Variants in IL17RD observed in about 807,000 individuals in gnomAD.
The protein encoded by IL17RD is interleukin 17 receptor D.
In IL17RD, 52 loss-of-function variants were observed where a neutral mutation model predicts 80.5. The observed-to-expected ratio is 0.65, with a 90% CI of 0.52 to 0.81. IL17RD has a LOEUF of 0.81. IL17RD is among the 40% of genes least tolerant of loss of function. IL17RD has a pLI of 0.00. For synonymous variants in IL17RD, 416 were observed against 391.8 expected, an observed-to-expected ratio of 1.06 and a Z score of -0.73; for missense variants, 1,024 against 955.1, an observed-to-expected ratio of 1.07 and a Z score of -0.95.
At chr3:57,155,186 A>G (rs895819053) in intron 1 of IL17RD, among the ~76,000 whole-genome samples, 10 of 152,216 alleles carry the variant, frequency 6.6e-5, no homozygotes, top group Non-Finnish European at 1.3e-4. Flanking sequence ...CGAGACCTGC[A>G]CCTCTGTTAA....
At chr3:57,125,182 G>A (rs1055497221) in intron 1 of IL17RD, among the ~76,000 whole-genome samples, 7 of 152,262 alleles carry the variant, frequency 4.6e-5, no homozygotes, top group East Asian at 3.9e-4. Flanking sequence ...CAAGGCGGCC[G>A]GATCACCCGA....
chr3:57,159,500 C>A (rs2060289511), intron 1 of IL17RD, among the ~76,000 whole-genome samples: 1 of 152,156 alleles, frequency 6.6e-6, no homozygotes, highest in African/African-American at 2.4e-5. Flanking sequence ...GTTTCGGAGG[C>A]CATCAGTCAC....
rs540961522 is a variant in IL17RD at position 57,126,574 on chromosome 3, G to A, written c.127-6261C>T. 7.9e-5 allele frequency among the ~76,000 whole-genome samples: 12 copies of A among 152,292 alleles called. No individual in the cohort carries two copies. In the South Asian group the frequency reaches 2.5e-3, roughly 32 times the overall value. ...GTGATCAGACAGCCAACTTCCTGAG[G>A]GGCCTTTGGGCATTCTAAGCCATTT... On this transcript the variant is annotated intron_variant, in intron 1 of 12. Coordinates refer to ENST00000296318, the MANE Select transcript of IL17RD (RefSeq NM_017563.5).
chr3:57,163,419 T>C (rs2060319694), intron 1 of IL17RD, among the ~76,000 whole-genome samples: 1 of 152,136 alleles, frequency 6.6e-6, no homozygotes, highest in African/African-American at 2.4e-5. Context: ...ATCACCAGCC[T>C]GGCTCCGTCA....
At chr3:57,162,107 G>C (rs2060309101) in intron 1 of IL17RD, among the ~76,000 whole-genome samples, 1 of 152,238 alleles carries the variant, frequency 6.6e-6, no homozygotes, top group South Asian at 2.1e-4. Flanking sequence ...GCCCCGAAGG[G>C]TCTGTTAGCA....
In IL17RD at chr3:57,097,744, G is replaced by A. The variant is rs1275315264; in HGVS notation, c.1959C>T (p.Gly653=). The part of the protein sequence containing the change: ...LQPLLHTVKA[G]SPSDMPRDSG... ...AGTCCCGCGGCATGTCCGAGGGGCTGCCGGCTTTCACCGTGTGCAGCAGGG... is the reference window on the plus strand; with the variant it reads ...AGTCCCGCGGCATGTCCGAGGGGCTACCGGCTTTCACCGTGTGCAGCAGGG... Residue 653 remains glycine, a synonymous_variant, in exon 12 of 13, where the codon GGC becomes GGT. Coordinates refer to ENST00000296318, the MANE Select transcript of IL17RD (RefSeq NM_017563.5). The A allele has an allele frequency of 1.2e-6, 2 of 1,601,768 alleles. No homozygotes were observed. Among genetic ancestry groups the A allele is most frequent in the African/African-American group, 2.7e-5 (2 of 74,738 alleles).
At position 57,093,377 on chromosome 3, in the gene IL17RD, G is replaced by C. The variant is rs1706601238; in HGVS notation, c.*3016C>G. 6.6e-6 allele frequency: 1 copy of C among 152,162 alleles called. No homozygotes were observed. The allele number at this position is 152,162 out of a possible 1,614,324, so 9.4% of individuals were successfully genotyped here. On this transcript the variant is annotated 3_prime_UTR_variant, in exon 13 of 13. Coordinates refer to ENST00000296318, the MANE Select transcript of IL17RD (RefSeq NM_017563.5). ...AATTAGTGTTGAAGTTGGGGGGCCA[G>C]AGAGTTTTCTTTCTTTTGGGAGAAG...
At chr3:57,169,413 A>C (rs1389152658), upstream of IL17RD, 6 of 271,100 alleles carry the variant, frequency 2.2e-5, no homozygotes, top group Non-Finnish European at 4.5e-5. Flanking sequence ...TAAACAGATA[A>C]AATCACCTTA....
intron 1 of IL17RD, among the ~76,000 whole-genome samples, chr3:57,132,603 G>A (rs910363794): frequency 6.6e-6 from 1 of 152,162 alleles, no homozygotes; most frequent in Non-Finnish European, 1.5e-5. Flanking sequence ...TTACAACTCA[G>A]TAACTAAACA....
chr3:57,120,097 G>A (rs1328175164), intron 2 of IL17RD, among the ~76,000 whole-genome samples, 159 bp downstream of exon 2: 2 of 152,180 alleles, frequency 1.3e-5, no homozygotes, highest in Admixed American at 6.5e-5. Context: ...ATACTTGAGT[G>A]GCCTAATTGA....
chr3:57,165,973 C>G (rs1009542006), upstream of IL17RD, among the ~76,000 whole-genome samples: 1 of 152,196 alleles, frequency 6.6e-6, no homozygotes, highest in Non-Finnish European at 1.5e-5. Flanking sequence ...TACAATCTAT[C>G]ATTAACTGAC....
chr3:57,098,737 C>T (rs899898148), intron 11 of IL17RD, among the ~76,000 whole-genome samples, 199 bp from the exon 12 acceptor site: 1 of 152,210 alleles, frequency 6.6e-6, no homozygotes, highest in Non-Finnish European at 1.5e-5. Flanking sequence ...CACCCTAGTC[C>T]CTCTGCAAAA....
In IL17RD at chr3:57,093,830, A is replaced by G. The variant is rs1441446789; in HGVS notation, c.*2563T>C. On this transcript the variant is annotated 3_prime_UTR_variant, in exon 13 of 13. Transcript: ENST00000296318. ...TCACTCTCCTGGCAAAGCTGATGAC[A>G]TCAGATGCTAAGTCCTTTCTGTAGC... The G allele has an allele frequency of 6.6e-6, 1 of 152,244 alleles. No individual in the cohort carries two copies. Among genetic ancestry groups the G allele is most frequent in the Non-Finnish European group, 1.5e-5 (1 of 68,038 alleles). 9.4% of individuals were successfully genotyped at this position (152,244 alleles called of 1,614,324 possible). A position where few individuals can be genotyped will look rare whatever the true frequency, so the allele number is the denominator to read the frequency against.
intron 1 of IL17RD, among the ~76,000 whole-genome samples, chr3:57,138,364 G>A (rs1244250252): frequency 6.6e-6 from 1 of 152,178 alleles, no homozygotes; most frequent in African/African-American, 2.4e-5. Flanking sequence ...CAACAAAACA[G>A]TGTTAGGGCC....
rs1362044881 is a variant in IL17RD at position 57,096,403 on chromosome 3, G to T, written c.2210C>A (p.Ala737Asp). 1 of 1,612,440 alleles carries T rather than the reference G, an allele frequency of 6.2e-7. No individual in the cohort carries two copies. Among genetic ancestry groups the T allele is most frequent in the Non-Finnish European group, 8.5e-7 (1 of 1,178,470 alleles). The change falls in exon 13 of 13, where the codon GCC (alanine) becomes GAC (aspartate). Residue 737 changes from alanine to aspartate, a missense_variant. Ala to Asp is a moderately radical substitution (Grantham distance 126). Coordinates refer to ENST00000296318, the MANE Select transcript of IL17RD (RefSeq NM_017563.5). ...GACTCTTTCGTTTTGTTACAAAGGGGCGACCGCGTGGAGTTCATCAGTGTA... is the reference window on the plus strand; with the variant it reads ...GACTCTTTCGTTTTGTTACAAAGGGTCGACCGCGTGGAGTTCATCAGTGTA... ...RSYTDELHAV[A>D]PL
intron 1 of IL17RD, among the ~76,000 whole-genome samples, chr3:57,160,780 G>C (rs1027446871): frequency 6.6e-6 from 1 of 152,202 alleles, no homozygotes; most frequent in African/African-American, 2.4e-5. Context: ...GTCTCATCCT[G>C]GTTACAGCAT....
chr3:57,150,653 C>G (rs1487975869), intron 1 of IL17RD, among the ~76,000 whole-genome samples: 1 of 152,218 alleles, frequency 6.6e-6, no homozygotes, highest in Admixed American at 6.5e-5. Context: ...CTGGATGGAA[C>G]TCTCCTCACC....
Position 57,097,994 on chromosome 3 carries a change from G to A in IL17RD, c.1709C>T (p.Pro570Leu). The A allele has an allele frequency of 6.2e-7, 1 of 1,614,056 alleles. No individual in the cohort carries two copies. Among genetic ancestry groups the A allele is most frequent in the Non-Finnish European group, 8.5e-7 (1 of 1,179,892 alleles). Residue 570 changes from proline to leucine, a missense_variant, in exon 12 of 13, where the codon CCT becomes CTT. Physicochemically the swap from Pro to Leu is moderately conservative, Grantham distance 98. Coordinates refer to ENST00000296318, the MANE Select transcript of IL17RD (RefSeq NM_017563.5). Reference protein sequence around the residue: ...FEKQFVPFHPPPLRYREPVLE... With the variant: ...FEKQFVPFHPLPLRYREPVLE... ...GACTGGCTCCCGGTAGCGCAGTGGA[G>A]GAGGATGGAAGGGAACGAACTGCTT...
intron 1 of IL17RD, chr3:57,164,807 G>A (rs2060334605): frequency 1.2e-6 from 1 of 811,060 alleles, no homozygotes; most frequent in Non-Finnish European, 1.6e-6. Flanking sequence ...TCCCAGCCCG[G>A]GACACGCAGC....
Sources: gnomAD v4.1 joint callset for allele counts (sites outside exome capture counted in the v4.1 genomes callset) on GRCh38, gnomAD v4.1.1 for gene constraint, MANE v1.5 for transcripts, NCBI Gene and HGNC (gene_info 2026-07-23, HGNC 2026-07-21) for gene names.